Variants in DGKB observed in about 807,000 individuals in gnomAD.
DGKB encodes the protein 90 kDa diacylglycerol kinase.
DGKB carries 67 observed loss-of-function variants against 114.3 expected under a neutral mutation model. The observed-to-expected ratio is 0.59, with a 90% CI of 0.48 to 0.72. The LOEUF is 0.72. DGKB is among the 30% of genes least tolerant of loss of function. The pLI is 0.00. For missense variants in DGKB, 907 were observed against 975.2 expected, an observed-to-expected ratio of 0.93 and a Z score of 0.93; for synonymous variants, 398 against 323.1, an observed-to-expected ratio of 1.23 and a Z score of -2.49.
chr7:14,484,293 G>A (rs1783435958), intron 20 of DGKB, among the ~76,000 whole-genome samples: 1 of 152,088 alleles, frequency 6.6e-6, no homozygotes, highest in Non-Finnish European at 1.5e-5. Context: ...TTGAAAAGAA[G>A]GATTTATTTT....
intron 23 of DGKB, among the ~76,000 whole-genome samples, chr7:14,321,108 T>C (rs1361816314): frequency 6.6e-6 from 1 of 151,896 alleles, no homozygotes; most frequent in East Asian, 1.9e-4. Context: ...CTGGAAAACA[T>C]GGCAAATCCC....
chr7:14,534,392 A>C lies in DGKB; in HGVS notation c.1770+39820T>G, dbSNP rs1470332339. Among the ~76,000 whole-genome samples, 4 of 152,274 alleles carry C rather than the reference A, an allele frequency of 2.6e-5. No homozygotes were observed. The East Asian group carries it at 7.7e-4, about 29-fold the overall frequency. On this transcript the variant is annotated intron_variant, in intron 20 of 25. Transcript: ENST00000402815. Reference sequence around the variant, plus strand: ...AAAGCCAGGAGAAGAGGAGGGGAACAATATAACTACAAAACAGACAAAAAA... The same window carrying C: ...AAAGCCAGGAGAAGAGGAGGGGAACCATATAACTACAAAACAGACAAAAAA...
chr7:14,617,536 A>G (rs969581866), intron 15 of DGKB, among the ~76,000 whole-genome samples: 2 of 151,680 alleles, frequency 1.3e-5, no homozygotes, highest in Non-Finnish European at 3.0e-5. Flanking sequence ...GCTCCCCAAC[A>G]ATCTAATCTT....
intron 1 of DGKB, among the ~76,000 whole-genome samples, chr7:14,843,039 C>T (rs1289703126): frequency 1.3e-5 from 2 of 151,890 alleles, no homozygotes; most frequent in African/African-American, 4.8e-5. Flanking sequence ...GAGACCCCAT[C>T]TCTACAAAAA....
At chr7:14,408,372 C>T (rs1262057057) in intron 21 of DGKB, among the ~76,000 whole-genome samples, 1 of 151,972 alleles carries the variant, frequency 6.6e-6, no homozygotes, top group East Asian at 1.9e-4. Context: ...AATCAATAAG[C>T]AATTGTTTAT....
chr7:14,759,822 A>T (rs1460092828), intron 2 of DGKB, among the ~76,000 whole-genome samples: 1 of 152,142 alleles, frequency 6.6e-6, no homozygotes, highest in East Asian at 1.9e-4. Context: ...TAGTGTTTTG[A>T]GGAACTGCCA....
chr7:14,591,448 A>G (rs891453712), intron 17 of DGKB, among the ~76,000 whole-genome samples: 7 of 152,112 alleles, frequency 4.6e-5, no homozygotes, highest in Non-Finnish European at 8.8e-5. Flanking sequence ...CCTTTATAGC[A>G]TTGATTCACC....
chr7:14,195,345 G>C (rs1784873169), intron 23 of DGKB, among the ~76,000 whole-genome samples: 1 of 152,118 alleles, frequency 6.6e-6, no homozygotes, highest in Non-Finnish European at 1.5e-5. Flanking sequence ...GCTGATGTCA[G>C]CAAATTCTGA....
intron 23 of DGKB, among the ~76,000 whole-genome samples, chr7:14,281,074 TAA>T (rs1386209521): frequency 1.4e-5 from 2 of 147,900 alleles, no homozygotes; most frequent in Admixed American, 6.8e-5. Context: ...GCAAATTGGA[TAA>T]AGAGTCAAGA....
intron 1 of DGKB, among the ~76,000 whole-genome samples, chr7:14,908,576 T>C (rs770078717): frequency 9.2e-5 from 14 of 152,340 alleles, no homozygotes; most frequent in Non-Finnish European, 1.5e-4. Context: ...TTATATTGTT[T>C]ACAATTTAGA....
intron 23 of DGKB, among the ~76,000 whole-genome samples, chr7:14,312,597 T>C (rs572598147): frequency 1.4e-4 from 21 of 152,324 alleles, no homozygotes; most frequent in Admixed American, 9.8e-4. Context: ...ATAAAGCAAT[T>C]GTGCTGCATA....
At chr7:14,333,377 C>T (rs1434939029) in intron 23 of DGKB, among the ~76,000 whole-genome samples, 5 of 149,782 alleles carry the variant, frequency 3.3e-5, no homozygotes, top group Admixed American at 1.3e-4. Context: ...AGGAGAATGG[C>T]GTGAACCCGG....
chr7:14,157,944 C>CTAAAATTTTCTA (rs1260925505), intron 25 of DGKB, among the ~76,000 whole-genome samples: 4 of 152,166 alleles, frequency 2.6e-5, no homozygotes, highest in Admixed American at 2.6e-4. Flanking sequence ...AATATTTCAA[C>CTAAAATTTTCTA]TAAAATTTTC....
intron 25 of DGKB, among the ~76,000 whole-genome samples, chr7:14,154,325 TGAA>T (rs1245263407): frequency 4.6e-5 from 7 of 151,812 alleles, no homozygotes; most frequent in Admixed American, 3.3e-4. Context: ...TTTTATAGTC[TGAA>T]TGATTATATA....
At chr7:14,695,675 G>C (rs961448199) in intron 8 of DGKB, among the ~76,000 whole-genome samples, 2 of 151,032 alleles carry the variant, frequency 1.3e-5, no homozygotes, top group Non-Finnish European at 3.0e-5. Context: ...GATTTTTTTT[G>C]TGTGTGTATT....
At chr7:14,262,891 G>A (rs760029884) in intron 23 of DGKB, among the ~76,000 whole-genome samples, 2 of 152,006 alleles carry the variant, frequency 1.3e-5, no homozygotes, top group Non-Finnish European at 2.9e-5. Flanking sequence ...ATCAGAAGAC[G>A]TTTTATTAAA....
At chr7:14,164,012 CA>C (rs11288441) in intron 25 of DGKB, among the ~76,000 whole-genome samples, 11,218 of 146,426 alleles carry the variant, frequency 0.077, 1,104 homozygotes, top group African/African-American at 0.23. Context: ...AAAAAACAAA[CA>C]AAAAAAAAAA....
intron 18 of DGKB, 32 bp from the exon 19 acceptor site, chr7:14,580,983 AAT>A: frequency 6.6e-7 from 1 of 1,506,792 alleles, no homozygotes; most frequent in Non-Finnish European, 9.1e-7. Context: ...AAATAAAGAA[AAT>A]TTTAAGTTCA....
intron 1 of DGKB, among the ~76,000 whole-genome samples, chr7:14,847,444 G>C (rs1345834577): frequency 1.3e-5 from 2 of 152,194 alleles, no homozygotes; most frequent in Non-Finnish European, 2.9e-5. Context: ...TGCTGAAGAA[G>C]TAGGATGAAA....
Sources: gnomAD v4.1 joint callset for allele counts (sites outside exome capture counted in the v4.1 genomes callset) on GRCh38, gnomAD v4.1.1 for gene constraint, MANE v1.5 for transcripts, NCBI Gene and HGNC (gene_info 2026-07-23, HGNC 2026-07-21) for gene names.